Variants in GNG12 observed in about 807,000 individuals in gnomAD.
GNG12 encodes G protein subunit gamma 12, also known as guanine nucleotide-binding protein G(I)/G(S)/G(O) subunit gamma-12.
For synonymous variants in GNG12, 28 were observed against 29.7 expected (o/e 0.94, Z 0.19); for missense variants, 69 against 83.8 (o/e 0.82, Z 0.69).
chr1:67,772,445 A>T (rs1302470375), intron 2 of GNG12: 1 of 152,088 alleles, frequency 6.6e-6, no homozygotes, highest in African/African-American at 2.4e-5. Flanking sequence ...AGTTTAATAG[A>T]CTCCAAATGA....
intron 2 of GNG12, among the ~76,000 whole-genome samples, chr1:67,710,169 T>G (rs1404916883): frequency 1.9e-4 from 5 of 26,190 alleles, no homozygotes; most frequent in African/African-American, 8.5e-4. Flanking sequence ...TATATAGTTA[T>G]ATATATATAG....
chr1:67,765,600 T>C (rs1479910672), intron 2 of GNG12, among the ~76,000 whole-genome samples: 2 of 152,200 alleles, frequency 1.3e-5, no homozygotes, highest in African/African-American at 4.8e-5. Context: ...AAGGTTTGTA[T>C]ATTTCAACCC....
At chr1:67,757,443 A>T (rs1474288140) in intron 2 of GNG12, among the ~76,000 whole-genome samples, 1 of 152,152 alleles carries the variant, frequency 6.6e-6, no homozygotes, top group Non-Finnish European at 1.5e-5. Context: ...TTGGCTCATC[A>T]CTCATGTCTC....
chr1:67,794,126 T>C (rs867980763), intron 1 of GNG12, among the ~76,000 whole-genome samples: 3 of 152,202 alleles, frequency 2.0e-5, no homozygotes, highest in Non-Finnish European at 4.4e-5. Context: ...AAGTAAACCA[T>C]ATCCACTAAA....
At chr1:67,825,830 T>C (rs1392282787) in intron 1 of GNG12, among the ~76,000 whole-genome samples, 10 of 152,192 alleles carry the variant, frequency 6.6e-5, no homozygotes, top group Admixed American at 1.3e-4. Context: ...CTGGTGACCC[T>C]GGCAAGTATT....
At chr1:67,808,002 A>T (rs1646902875) in intron 1 of GNG12, among the ~76,000 whole-genome samples, 1 of 152,100 alleles carries the variant, frequency 6.6e-6, no homozygotes, top group South Asian at 2.1e-4. Flanking sequence ...AGATAAAGAC[A>T]TTACGAGAAA....
chr1:67,832,194 A>C (rs1647050773), intron 1 of GNG12: 1 of 152,240 alleles, frequency 6.6e-6, no homozygotes, highest in Admixed American at 6.5e-5. Flanking sequence ...CACACGGTCT[A>C]ATAAATTCCC....
chr1:67,772,085 T>G (rs752742275), intron 2 of GNG12, among the ~76,000 whole-genome samples: 4 of 152,166 alleles, frequency 2.6e-5, no homozygotes, highest in Non-Finnish European at 5.9e-5. Flanking sequence ...CAACGGTTTT[T>G]AAGCAAGAGG....
At chr1:67,806,770 C>T (rs1046855001) in intron 1 of GNG12, among the ~76,000 whole-genome samples, 1 of 152,060 alleles carries the variant, frequency 6.6e-6, no homozygotes, top group African/African-American at 2.4e-5. Flanking sequence ...AACAGAGTAT[C>T]AAAATAAGCT....
chr1:67,724,104 A>G (rs1475736606), intron 2 of GNG12, among the ~76,000 whole-genome samples: 1 of 152,198 alleles, frequency 6.6e-6, no homozygotes, highest in Non-Finnish European at 1.5e-5. Context: ...TTTCAGGGGC[A>G]GGAGGGTTGT....
At chr1:67,823,696 C>T (rs1439630810) in intron 1 of GNG12, among the ~76,000 whole-genome samples, 3 of 152,178 alleles carry the variant, frequency 2.0e-5, no homozygotes, top group East Asian at 1.9e-4. Flanking sequence ...TGTACGGAAC[C>T]GGGACATCCA....
intron 2 of GNG12, among the ~76,000 whole-genome samples, chr1:67,745,421 A>C (rs1646502606): frequency 6.6e-6 from 1 of 152,202 alleles, no homozygotes; most frequent in Admixed American, 6.5e-5. Context: ...GCTTCTTCCC[A>C]GGTGGAAAGC....
chr1:67,722,416 A>G (rs1646361297), intron 2 of GNG12, among the ~76,000 whole-genome samples: 1 of 152,158 alleles, frequency 6.6e-6, no homozygotes, highest in Admixed American at 6.5e-5. Context: ...TGGTGGTTAA[A>G]GGGCTTACAA....
chr1:67,814,700 TC>T (rs760849571), intron 1 of GNG12, among the ~76,000 whole-genome samples: 4 of 152,216 alleles, frequency 2.6e-5, no homozygotes, highest in Admixed American at 6.5e-5. Flanking sequence ...AGGACAATCT[TC>T]TGTGGACAGT....
intron 1 of GNG12, among the ~76,000 whole-genome samples, chr1:67,783,543 T>C (rs1221882979): frequency 2.0e-5 from 3 of 151,876 alleles, no homozygotes; most frequent in Non-Finnish European, 2.9e-5. Flanking sequence ...ACCTACAAAA[T>C]GGGAGAAAAT....
At chr1:67,741,672 T>C (rs1330041222) in intron 2 of GNG12, among the ~76,000 whole-genome samples, 1 of 152,256 alleles carries the variant, frequency 6.6e-6, no homozygotes, top group Non-Finnish European at 1.5e-5. Flanking sequence ...TTAAAAATAC[T>C]GTATAACTTG....
intron 1 of GNG12, among the ~76,000 whole-genome samples, chr1:67,800,115 C>G (rs1176946588): frequency 6.6e-6 from 1 of 152,188 alleles, no homozygotes; most frequent in Non-Finnish European, 1.5e-5. Flanking sequence ...ATTGATTAGT[C>G]TCTCTTGCAT....
rs757983725 is a variant in GNG12, at chr1:67,809,234, CA to C, written c.-77+24109del. 1.1e-3 allele frequency among the ~76,000 whole-genome samples: 160 copies of C among 152,106 alleles called. 1 individual carries two copies. The highest frequency in any genetic ancestry group is 1.4e-3 in the African/African-American group (58 of 41,506). ...ACTGGACATCCACATTCCCTGCCCC[CA>C]CCAAAAAAGAAAGAATCTAGACACA... is the stretch of plus-strand genomic sequence containing the variant. On this transcript the variant is annotated intron_variant, in intron 1 of 3. Transcript: ENST00000370982.
At position 67,796,026 on chromosome 1, in the gene GNG12, CT is replaced by C. The variant is rs1203384616; in HGVS notation, c.-76-18520del. Among the ~76,000 whole-genome samples the C allele has an allele frequency of 2.0e-5, 3 of 152,308 alleles. No individual in the cohort carries two copies. The South Asian group carries it at 6.2e-4, about 32-fold the overall frequency. Reference sequence around the variant, plus strand: ...GGCTCTTCTGTTTAATCTCCATACCCTTCTTATGATCGATGTTATTGAATTC... The same window carrying C: ...GGCTCTTCTGTTTAATCTCCATACCCTCTTATGATCGATGTTATTGAATTC... On this transcript the variant is annotated intron_variant, in intron 1 of 3. Transcript: ENST00000370982.
Sources: allele counts gnomAD v4.1 joint callset (sites outside exome capture counted in the v4.1 genomes callset), GRCh38; gene constraint gnomAD v4.1.1; transcripts MANE v1.5; gene names NCBI Gene and HGNC (gene_info 2026-07-23, HGNC 2026-07-21).